CLUH: variants seen among roughly 807,000 people sequenced by gnomAD.
The protein encoded by CLUH is CLUH binding protein of NUMT mRNA.
CLUH carries 77 observed loss-of-function variants against 139.3 expected under a neutral mutation model. That is an observed-to-expected ratio of 0.55 (90% CI 0.46 to 0.67). The LOEUF (loss-of-function observed/expected upper bound fraction) is 0.67. Among genes scored for constraint, CLUH ranks in the 30% least tolerant of loss-of-function variants. CLUH has a pLI of 0.00. For synonymous variants in CLUH, 999 were observed against 801.6 expected, an observed-to-expected ratio of 1.25 and a Z score of -4.16; for missense variants, 1,876 against 1,875.8, an observed-to-expected ratio of 1.00 and a Z score of 0.00.
Position 2,697,882 on chromosome 17 carries a change from G to T in CLUH, c.1961+14C>A. 1.4e-6 allele frequency: 2 copies of T among 1,467,538 alleles called. No individual in the cohort carries two copies. Among genetic ancestry groups the T allele is most frequent in the Non-Finnish European group, 1.8e-6 (2 of 1,111,062 alleles). The allele number at this position is 1,467,538 out of a possible 1,614,324, so 90.9% of individuals were successfully genotyped here. ...AGCTGGCCCCGGCCCTGGTCCGGCA[G>T]GGCCGCCCCTCACCTGTGCTCCACG... On this transcript the variant is annotated intron_variant, in intron 10 of 25. Coordinates refer to ENST00000651024, the MANE Select transcript of CLUH (RefSeq NM_001366661.1).
intron 3 of CLUH, among the ~76,000 whole-genome samples, chr17:2,702,407 C>T (rs1017163861): frequency 6.6e-6 from 1 of 152,228 alleles, no homozygotes; most frequent in Non-Finnish European, 1.5e-5. Flanking sequence ...GACTTCCACA[C>T]CACAGCCTTG....
At position 2,695,444 on chromosome 17, in the gene CLUH, A is replaced by C; in HGVS notation, c.2474T>G (p.Met825Arg). 1 of 1,612,222 alleles carries C rather than the reference A, an allele frequency of 6.2e-7. No homozygotes were observed. Among genetic ancestry groups the C allele is most frequent in the Non-Finnish European group, 8.5e-7 (1 of 1,179,750 alleles). The change falls in exon 14 of 26, where the codon ATG becomes AGG. Residue 825 changes from methionine (M) to arginine (R), a missense_variant. Met to Arg is a moderately conservative substitution (Grantham distance 91). Around this residue, in one of 3 missense-constraint regions of CLUH, gnomAD observed 1,454 missense variants for 1,384.4 expected, o/e 1.05. Coordinates refer to ENST00000651024, the MANE Select transcript of CLUH (RefSeq NM_001366661.1). ...AEVMRQRGIN[M>R]RYLGKVLELV... is the part of the protein sequence containing the mutation. ...CTCCAGCACCTTGCCCAGGTAGCGC[A>C]TGTTGATGCCCCGCTGGCGCATCAC... is the stretch of plus-strand genomic sequence containing the variant.
intron 10 of CLUH, 119 bp from the exon 11 acceptor site, chr17:2,697,061 G>C (rs554052447): frequency 1.3e-6 from 1 of 750,422 alleles, no homozygotes; most frequent in African/African-American, 1.8e-5. Flanking sequence ...CCTCCTGGCC[G>C]GTGTGCATGA....
At chr17:2,708,276 C>A (rs1597629146) in intron 1 of CLUH, among the ~76,000 whole-genome samples, 1 of 152,318 alleles carries the variant, frequency 6.6e-6, no homozygotes, top group East Asian at 1.9e-4. Context: ...GGGTCTCACA[C>A]AATGACCAGA....
rs1242961200 is a variant in CLUH at position 2,706,625 on chromosome 17, C to T, written c.101-2061G>A. 2.0e-5 allele frequency among the ~76,000 whole-genome samples: 3 copies of T among 152,020 alleles called. No homozygotes were observed. Among genetic ancestry groups the T allele is most frequent in the Non-Finnish European group, 2.9e-5 (2 of 68,004 alleles). ...CCCAATCCCCTCGCACGTGAGCAGC[C>T]CCACACACCTGCCTGACTCTAGTGA... is the stretch of plus-strand genomic sequence containing the variant. On this transcript the variant is annotated intron_variant, in intron 1 of 25. Transcript: ENST00000651024. The surrounding 1 kb of genome is among the most constrained non-coding windows in gnomAD (Gnocchi z 4.6).
At position 2,691,856 on chromosome 17, in the gene CLUH, A is replaced by T; in HGVS notation, c.3694T>A (p.Tyr1232Asn). Reference protein sequence around the residue: ...DHEKTKESSEYLKCLTQQAVA... With the variant: ...DHEKTKESSENLKCLTQQAVA... ...GCCTGCTGGGTCAGGCACTTGAGGT[A>T]CTCGGAGCTTTCCTTGGTCTTCTCA... Residue 1232 changes from tyrosine (Y) to asparagine (N), a missense_variant, in exon 24 of 26, where the codon TAC (tyrosine) becomes AAC (asparagine). Tyr to Asn is a moderately radical substitution (Grantham distance 143). Coordinates refer to ENST00000651024, the MANE Select transcript of CLUH (RefSeq NM_001366661.1). 6.5e-7 allele frequency: 1 copy of T among 1,549,378 alleles called. No individual in the cohort carries two copies. The highest frequency in any genetic ancestry group is 8.7e-7 in the Non-Finnish European group (1 of 1,148,314).
Position 2,698,419 on chromosome 17 carries a change from C to T in CLUH, c.1438G>A (p.Asp480Asn). The T allele has an allele frequency of 1.9e-6, 3 of 1,613,192 alleles. No homozygotes were observed. The highest frequency in any genetic ancestry group is 2.5e-6 in the Non-Finnish European group (3 of 1,179,714). The change falls in exon 10 of 26, where the codon GAC becomes AAC. Residue 480 changes from aspartate to asparagine, a missense_variant. Asp to Asn is a conservative substitution (Grantham distance 23). Transcript: ENST00000651024. ...GTGGGCGCCACGTAGGCCGCCACGTCCCCCCCGAAGTCCTTGTAGTGGTCT... is the reference window on the plus strand; with the variant it reads ...GTGGGCGCCACGTAGGCCGCCACGTTCCCCCCGAAGTCCTTGTAGTGGTCT... ...VRDHYKDFGG[D>N]VAAYVAPTND...
rs774778650 is a variant in CLUH at position 2,704,415 on chromosome 17, T to C, written c.250A>G (p.Thr84Ala). Residue 84 changes from threonine to alanine, a missense_variant, in exon 2 of 26, where the codon ACG becomes GCG. By Grantham distance (58) the Thr-to-Ala change is moderately conservative (BLOSUM62 0). Transcript: ENST00000651024. This position sits in a 1 kb window ranked among gnomAD's most constrained non-coding sequence, Gnocchi z 5.7. ...GCGAGGATCTTCACAGAAAAGCCCG[T>C]GTCCTGAATGACAATGACTTCCTGG... ...TGQEVIVIQD[T>A]GFSVKILAPG... 1.5e-5 allele frequency: 24 copies of C among 1,611,078 alleles called. No individual in the cohort carries two copies. The South Asian group carries it at 2.7e-4, about 18-fold the overall frequency.
chr17:2,692,725 T>C (rs765259276), intron 20 of CLUH, 29 bp from the exon 21 acceptor site: 1 of 1,603,788 alleles, frequency 6.2e-7, no homozygotes, highest in South Asian at 1.1e-5. Context: ...CAGGTCAGGG[T>C]GGCCGCGGAC....
chr17:2,698,014 G>A lies in CLUH; in HGVS notation c.1843C>T (p.Leu615=), dbSNP rs768007842. ...GGCAGCTCCTCGCCAGGCACGGGCA[G>A]GAAGTTGAGGTCCGGGGGGAAGGTG... ...LRTFPPDLNF[L]PVPGEELPEE... is the part of the protein sequence containing the mutation. Residue 615 remains leucine (L), a synonymous_variant, in exon 10 of 26, where the codon CTG becomes TTG. Coordinates refer to ENST00000651024, the MANE Select transcript of CLUH (RefSeq NM_001366661.1). The A allele has an allele frequency of 6.2e-7, 1 of 1,602,908 alleles. No homozygotes were observed. Among genetic ancestry groups the A allele is most frequent in the Admixed American group, 1.7e-5 (1 of 59,530 alleles).
At position 2,703,308 on chromosome 17, in the gene CLUH, C is replaced by T; in HGVS notation, c.475+10G>A. Reference sequence around the variant, plus strand: ...CTCCCCCGGGCAGGCTGTCCAACTTCCAGACCAACCTTCCACCACACGCAG... The same window carrying T: ...CTCCCCCGGGCAGGCTGTCCAACTTTCAGACCAACCTTCCACCACACGCAG... On this transcript the variant is annotated intron_variant, in intron 3 of 25. Transcript: ENST00000651024. This position sits in a 1 kb window ranked among gnomAD's most constrained non-coding sequence, Gnocchi z 4.2. 1 of 1,604,830 alleles carries T rather than the reference C, an allele frequency of 6.2e-7. No individual in the cohort carries two copies. The highest frequency in any genetic ancestry group is 1.1e-5 in the South Asian group (1 of 89,870).
At position 2,693,861 on chromosome 17, in the gene CLUH, C is replaced by T. The variant is rs531515248; in HGVS notation, c.3231+39G>A. 2.5e-6 allele frequency: 4 copies of T among 1,573,362 alleles called. No individual in the cohort carries two copies. In the African/African-American group the frequency reaches 4.1e-5, roughly 16 times the overall value. The stretch of plus-strand genomic sequence containing the variant: ...GGCCCCCTCACTCCCCATCCCCCAA[C>T]ACGAGGCCAGGCCTTTGCTGCCACA... On this transcript the variant is annotated intron_variant, in intron 19 of 25. Transcript: ENST00000651024.
In CLUH at chr17:2,704,910, CCTCTT is replaced by C. The variant is rs1171964754; in HGVS notation, c.101-351_101-347del. On this transcript the variant is annotated intron_variant, in intron 1 of 25. Coordinates refer to ENST00000651024, the MANE Select transcript of CLUH (RefSeq NM_001366661.1). This position sits in a 1 kb window ranked among gnomAD's most constrained non-coding sequence, Gnocchi z 5.7. Reference sequence around the variant, plus strand: ...CCAGCAGCAGTTCCCCTCTTCCTCTCCTCTTCTCTGACCCCACACAGTGCCCTTGC... The same window carrying C: ...CCAGCAGCAGTTCCCCTCTTCCTCTCCTCTGACCCCACACAGTGCCCTTGC... Among the ~76,000 whole-genome samples, 1 of 152,166 alleles carries C rather than the reference CCTCTT, an allele frequency of 6.6e-6. No homozygotes were observed. The highest frequency in any genetic ancestry group is 1.9e-4 in the East Asian group (1 of 5,184).
Position 2,692,803 on chromosome 17 carries a change from G to A in CLUH, c.3289C>T (p.His1097Tyr). 6.2e-7 allele frequency: 1 copy of A among 1,603,136 alleles called. No individual in the cohort carries two copies. The highest frequency in any genetic ancestry group is 8.5e-7 in the Non-Finnish European group (1 of 1,173,076). Reference protein sequence around the residue: ...LMSERVMGTEHPNTIQEYMHL... With the variant: ...LMSERVMGTEYPNTIQEYMHL... ...ACGTATTCCTGGATGGTGTTGGGGT[G>A]CTCGGTGCCCATCACCCGCTCGCTC... The change falls in exon 20 of 26, where the codon CAC becomes TAC. Residue 1097 changes from histidine (H) to tyrosine (Y), a missense_variant. His to Tyr is a moderately conservative substitution (Grantham distance 83). Coordinates refer to ENST00000651024, the MANE Select transcript of CLUH (RefSeq NM_001366661.1).
At chr17:2,694,822 T>TACCCCCCCCCCCCCCCC in intron 16 of CLUH, 35 bp downstream of exon 16, 5 of 1,346,334 alleles carry the variant, frequency 3.7e-6, no homozygotes, top group East Asian at 2.6e-5. Flanking sequence ...ATCTGCCCAA[T>TACCCCCCCCCCCCCCCC]CCCACCCACC....
At chr17:2,710,303 C>A (rs1171418290) in intron 1 of CLUH, among the ~76,000 whole-genome samples, 1 of 152,246 alleles carries the variant, frequency 6.6e-6, no homozygotes, top group Non-Finnish European at 1.5e-5. Context: ...CGATGAGCAT[C>A]TGCTCTTCTG....
chr17:2,693,537 T>G (rs1332614266), intron 19 of CLUH, among the ~76,000 whole-genome samples: 1 of 104,866 alleles, frequency 9.5e-6, no homozygotes, highest in East Asian at 5.3e-4. Context: ...CACCACAGCC[T>G]CCACCAGCCC....
Position 2,692,549 on chromosome 17 carries a change from G to GCC in CLUH, c.3438+20_3438+21dup, listed in dbSNP as rs369293762. Reference sequence around the variant, plus strand: ...CCTGGGATGGAGCTGGGTCCCTGCCGCCCCCCCGCCCCAGCACTCACGTCC... The same window carrying GCC: ...CCTGGGATGGAGCTGGGTCCCTGCCGCCCCCCCCCGCCCCAGCACTCACGTCC... On this transcript the variant is annotated intron_variant, in intron 21 of 25. Transcript: ENST00000651024. The GCC allele has an allele frequency of 5.6e-3, 8,912 of 1,598,608 alleles. 432 individuals are homozygous for GCC. The African/African-American group carries it at 0.11, about 19-fold the overall frequency.
intron 3 of CLUH, among the ~76,000 whole-genome samples, chr17:2,702,560 G>A (rs577075284): frequency 1.2e-4 from 18 of 152,322 alleles, no homozygotes; most frequent in Admixed American, 1.1e-3. Flanking sequence ...GATCAACTGT[G>A]GGCGCTGTTG....
Sources: gnomAD v4.1 joint callset for allele counts (sites outside exome capture counted in the v4.1 genomes callset) on GRCh38, gnomAD v4.1.1 for gene constraint, gnomAD v4.1.1 regional missense constraint, Gnocchi (gnomAD v3.1) non-coding constraint, MANE v1.5 for transcripts, NCBI Gene and HGNC (gene_info 2026-07-23, HGNC 2026-07-21) for gene names.